The following ABLIM1 variants were observed in gnomAD, a reference collection of about 807,000 sequenced individuals.
The protein encoded by ABLIM1 is actin binding LIM protein 1.
ABLIM1 carries 40 observed loss-of-function variants against 107.0 expected under a neutral mutation model. The observed-to-expected ratio is 0.37, with a 90% CI of 0.29 to 0.49. The LOEUF (loss-of-function observed/expected upper bound fraction) is 0.49. ABLIM1 is among the 20% of genes least tolerant of loss of function. The pLI is 0.97. For missense variants in ABLIM1, 857 were observed against 1,008.5 expected (o/e 0.85, Z 2.04); for synonymous variants, 357 against 357.3 (o/e 1.00, Z 0.01).
At chr10:114,549,810 AT>A (rs1259081251) in intron 4 of ABLIM1, among the ~76,000 whole-genome samples, 23 of 152,370 alleles carry the variant, frequency 1.5e-4, no homozygotes, top group Non-Finnish European at 2.8e-4. Flanking sequence ...GTGCTCTGGC[AT>A]GGAAAGATGT....
intron 1 of ABLIM1, among the ~76,000 whole-genome samples, chr10:114,640,883 A>G (rs1324732826): frequency 6.6e-6 from 1 of 152,222 alleles, no homozygotes. Context: ...TTTCTCCTGC[A>G]TTTTAAACAA....
At chr10:114,466,145 G>A (rs2065102331) in intron 11 of ABLIM1, among the ~76,000 whole-genome samples, 1 of 152,108 alleles carries the variant, frequency 6.6e-6, no homozygotes, top group Non-Finnish European at 1.5e-5. Context: ...TTCGAGAACA[G>A]CCTGGGCAAC....
intron 1 of ABLIM1, among the ~76,000 whole-genome samples, chr10:114,722,435 A>C (rs2081868924): frequency 6.6e-6 from 1 of 152,234 alleles, no homozygotes. Flanking sequence ...CTCCTTCAGC[A>C]TTCAGGATTA....
At chr10:114,765,299 C>G (rs1382908126) in intron 1 of ABLIM1, among the ~76,000 whole-genome samples, 1 of 151,948 alleles carries the variant, frequency 6.6e-6, no homozygotes, top group Non-Finnish European at 1.5e-5. Flanking sequence ...CCCACCTCAG[C>G]CTCCCAAAGT....
the ABLIM1 span, among the ~76,000 whole-genome samples, chr10:114,783,318 AAAAG>A: frequency 1.3e-5 from 2 of 151,970 alleles, no homozygotes; most frequent in South Asian, 2.1e-4. Context: ...TAAAAAAAAT[AAAAG>A]AGAGAGAAAA....
chr10:114,692,934 A>G (rs946060902), intron 1 of ABLIM1, among the ~76,000 whole-genome samples: 3 of 152,220 alleles, frequency 2.0e-5, no homozygotes, highest in African/African-American at 7.2e-5. Flanking sequence ...AAAATAAATA[A>G]GTCAACACCA....
chr10:114,461,749 G>C (rs2063969112), intron 12 of ABLIM1, among the ~76,000 whole-genome samples: 1 of 152,272 alleles, frequency 6.6e-6, no homozygotes, highest in Admixed American at 6.5e-5. Context: ...AGCCTGGGAA[G>C]TGGAGGTTGC....
chr10:114,466,066 G>A (rs929319392), intron 11 of ABLIM1, among the ~76,000 whole-genome samples: 2 of 152,216 alleles, frequency 1.3e-5, no homozygotes, highest in South Asian at 2.1e-4. Flanking sequence ...AGAGCCAGGT[G>A]TGGTGGCTCA....
intron 2 of ABLIM1, among the ~76,000 whole-genome samples, chr10:114,601,512 C>T (rs148877528): frequency 0.017 from 2,594 of 152,176 alleles, 58 homozygotes; most frequent in African/African-American, 0.05. Flanking sequence ...GCGATCCACC[C>T]GCCTCAGCCT....
At chr10:114,728,991 A>C (rs1418719891) in intron 1 of ABLIM1, among the ~76,000 whole-genome samples, 1 of 152,136 alleles carries the variant, frequency 6.6e-6, no homozygotes, top group Non-Finnish European at 1.5e-5. Context: ...TCATTCATTC[A>C]TTCAAATATA....
In ABLIM1 at chr10:114,575,406, G is replaced by A. The variant is rs1460169480; in HGVS notation, c.563+10C>T. On this transcript the variant is annotated intron_variant, in intron 3 of 22. Transcript: ENST00000533213. ...GAAGGTGTAGGCTTTGGAAAGATAG[G>A]CTCACTTACTTGCAGATAGTACAAG... 4 of 1,612,328 alleles carry A rather than the reference G, an allele frequency of 2.5e-6. No homozygotes were observed. In the East Asian group the frequency reaches 8.9e-5, roughly 36 times the overall value.
chr10:114,614,995 A>G (rs2077037061), intron 1 of ABLIM1, among the ~76,000 whole-genome samples: 1 of 151,054 alleles, frequency 6.6e-6, no homozygotes, highest in African/African-American at 2.4e-5. Context: ...GATTGCAGTG[A>G]GCCGTGATCA....
In ABLIM1 at chr10:114,447,868, A is replaced by G; in HGVS notation, c.1735+12T>C. The stretch of plus-strand genomic sequence containing the variant: ...AGTTTGTCCCTTTGACTTAGCCGTG[A>G]CAGTTGCATACCTACGACAGCAAAT... On this transcript the variant is annotated intron_variant, in intron 15 of 22. Transcript: ENST00000533213. 1 of 1,614,002 alleles carries G rather than the reference A, an allele frequency of 6.2e-7. No individual in the cohort carries two copies. Among genetic ancestry groups the G allele is most frequent in the African/African-American group, 1.3e-5 (1 of 75,028 alleles).
At chr10:114,593,165 C>T (rs569190792) in intron 2 of ABLIM1, among the ~76,000 whole-genome samples, 1 of 152,106 alleles carries the variant, frequency 6.6e-6, no homozygotes, top group Admixed American at 6.5e-5. Context: ...TGTCTCATAA[C>T]CTTGGTTGTA....
At chr10:114,453,988 T>G (rs2062357795) in intron 12 of ABLIM1, among the ~76,000 whole-genome samples, 1 of 152,212 alleles carries the variant, frequency 6.6e-6, no homozygotes, top group South Asian at 2.1e-4. Flanking sequence ...GTCCTTCCCC[T>G]TAGGAATACA....
the ABLIM1 span, among the ~76,000 whole-genome samples, chr10:114,787,503 G>A: frequency 0.11 from 16,209 of 141,694 alleles, 1,275 homozygotes; most frequent in East Asian, 0.42. Flanking sequence ...CCCTCTGCCC[G>A]GCCAGCCGCC....
intron 8 of ABLIM1, among the ~76,000 whole-genome samples, chr10:114,474,920 G>T (rs1032994474): frequency 6.6e-6 from 1 of 152,110 alleles, no homozygotes; most frequent in African/African-American, 2.4e-5. Context: ...CCCTGCACAA[G>T]CTCTCTTGCC....
intron 20 of ABLIM1, 105 bp from the exon 21 acceptor site, chr10:114,439,355 C>T (rs1029750641): frequency 2.7e-6 from 3 of 1,124,500 alleles, no homozygotes; most frequent in Non-Finnish European, 4.0e-6. Context: ...ATCCTAACCA[C>T]TATTTTATTT....
chr10:114,631,832 T>C (rs760940766), intron 1 of ABLIM1: 28 of 1,290,052 alleles, frequency 2.2e-5, no homozygotes, highest in Non-Finnish European at 2.8e-5. Context: ...CATTCCCCGT[T>C]AGGTGGCCGA....
Sources: gnomAD v4.1 joint callset for allele counts (sites outside exome capture counted in the v4.1 genomes callset) on GRCh38, gnomAD v4.1.1 for gene constraint, MANE v1.5 for transcripts, NCBI Gene and HGNC (gene_info 2026-07-23, HGNC 2026-07-21) for gene names.